The following TXLNG variants were observed in gnomAD, a reference collection of about 807,000 sequenced individuals.
The protein encoded by TXLNG is taxilin gamma, also known as gamma-taxilin.
In TXLNG, 5 loss-of-function variants were observed where a neutral mutation model predicts 38.8. That is an observed-to-expected ratio of 0.13 (90% CI 0.07 to 0.27). TXLNG has a LOEUF of 0.27. Among genes scored for constraint, TXLNG ranks in the 10% least tolerant of loss-of-function variants. The pLI is 1.00. For synonymous variants in TXLNG, 182 were observed against 158.2 expected, an observed-to-expected ratio of 1.15 and a Z score of -1.13; for missense variants, 393 against 398.2, an observed-to-expected ratio of 0.99 and a Z score of 0.11.
At chrX:16,838,666 T>G (rs768249633) in intron 8 of TXLNG, among the ~76,000 whole-genome samples, 1 of 112,201 alleles carries the variant, frequency 8.9e-6, no homozygotes, top group East Asian at 2.8e-4. Flanking sequence ...GAGAATTCCA[T>G]GAGCAGCAGA....
At chrX:16,796,006 G>A (rs1464766506) in intron 1 of TXLNG, among the ~76,000 whole-genome samples, 11 of 109,074 alleles carry the variant, frequency 1.0e-4, no homozygotes, top group African/African-American at 3.3e-4. Context: ...TAGAAACGGG[G>A]TTTCATCATG....
intron 7 of TXLNG, among the ~76,000 whole-genome samples, chrX:16,835,510 T>C (rs1342689621): frequency 9.0e-6 from 1 of 111,669 alleles, no homozygotes; most frequent in Non-Finnish European, 1.9e-5. Flanking sequence ...GAGATGAGAA[T>C]TGATGTGGAG....
chrX:16,804,968 C>CCCA (rs1928268464), intron 1 of TXLNG, among the ~76,000 whole-genome samples: 2 of 877 alleles, frequency 2.3e-3, no homozygotes, highest in African/African-American at 4.0e-3. Context: ...ACCACCACTG[C>CCCA]CCACCCCCCC....
At chrX:16,826,314 TA>T (rs756985605) in intron 3 of TXLNG, among the ~76,000 whole-genome samples, 17 of 112,248 alleles carry the variant, frequency 1.5e-4, no homozygotes, top group Non-Finnish European at 2.6e-4. Context: ...AAGGTGTTTT[TA>T]ATATCTGTAA....
chrX:16,826,155 G>A (rs1365816563), intron 3 of TXLNG, among the ~76,000 whole-genome samples: 1 of 111,787 alleles, frequency 8.9e-6, no homozygotes, highest in African/African-American at 3.3e-5. Context: ...GGTCAGGAAA[G>A]GCAGGAGCTC....
At chrX:16,789,327 C>G (rs1927620716) in intron 1 of TXLNG, among the ~76,000 whole-genome samples, 1 of 110,588 alleles carries the variant, frequency 9.0e-6, no homozygotes, top group Non-Finnish European at 1.9e-5. Context: ...TTGAGGTAAC[C>G]TTTTGCTTCT....
chrX:16,802,079 G>A (rs768666385), intron 1 of TXLNG, among the ~76,000 whole-genome samples: 276 of 103,878 alleles, frequency 2.7e-3, no homozygotes, highest in African/African-American at 9.0e-3. Flanking sequence ...TCAGCCTCCC[G>A]AGTAGCTGGG....
intron 1 of TXLNG, among the ~76,000 whole-genome samples, chrX:16,799,738 T>C (rs1334017753): frequency 2.7e-5 from 3 of 110,491 alleles, no homozygotes; most frequent in Non-Finnish European, 5.7e-5. Context: ...GCCACTGAAC[T>C]CCAGCCTGGG....
intron 1 of TXLNG, 83 bp from the exon 2 acceptor site, chrX:16,818,491 T>A: frequency 9.4e-7 from 1 of 1,060,222 alleles, no homozygotes; most frequent in Non-Finnish European, 1.3e-6. Flanking sequence ...ACTATCAGGC[T>A]ATGATGTTCC....
At chrX:16,841,305 G>C in intron 9 of TXLNG, 123 bp from the exon 10 acceptor site, 1 of 548,449 alleles carries the variant, frequency 1.8e-6, no homozygotes, top group Non-Finnish European at 2.9e-6. Flanking sequence ...AGAATGTTAG[G>C]AGGCTGAAGA....
intron 1 of TXLNG, among the ~76,000 whole-genome samples, 165 bp downstream of exon 1, chrX:16,786,754 T>G (rs1380214528): frequency 0.014 from 245 of 16,986 alleles, no homozygotes; most frequent in Admixed American, 0.018. Flanking sequence ...TGGGGGGGGG[T>G]GGGACCGCGA....
At chrX:16,828,405 TTG>T in intron 4 of TXLNG, 141 bp downstream of exon 4, 1 of 576,395 alleles carries the variant, frequency 1.7e-6, no homozygotes, top group Non-Finnish European at 2.6e-6. Flanking sequence ...GCCTGATGCC[TTG>T]TGTGAGGTCA....
At chrX:16,815,041 T>G (rs1409877246) in intron 1 of TXLNG, among the ~76,000 whole-genome samples, 1 of 112,327 alleles carries the variant, frequency 8.9e-6, no homozygotes, top group East Asian at 2.8e-4. Context: ...TCCCCTTTTT[T>G]CTACGAATTT....
intron 7 of TXLNG, 62 bp downstream of exon 7, chrX:16,834,419 C>T: frequency 9.9e-7 from 1 of 1,014,967 alleles, no homozygotes; most frequent in Non-Finnish European, 1.4e-6. Context: ...TTTGATTCTG[C>T]ATATCTTCAA....
intron 1 of TXLNG, among the ~76,000 whole-genome samples, chrX:16,812,125 T>C (rs1460144554): frequency 9.5e-6 from 1 of 105,354 alleles, no homozygotes; most frequent in Non-Finnish European, 1.9e-5. Flanking sequence ...TACCTCAGCC[T>C]CCTGAGCAGC....
intron 1 of TXLNG, among the ~76,000 whole-genome samples, chrX:16,803,821 G>A (rs1405144714): frequency 4.6e-5 from 5 of 109,568 alleles, no homozygotes; most frequent in Admixed American, 9.6e-5. Flanking sequence ...GCATGGTGGC[G>A]CACGCCTGTA....
Position 16,818,478 on chromosome X carries a change from A to G in TXLNG, c.103-96A>G, listed in dbSNP as rs1928820401. On this transcript the variant is annotated intron_variant, in intron 1 of 9. Transcript: ENST00000380122. The stretch of plus-strand genomic sequence containing the variant: ...AATTTTGCAAACCACTAAGGAAGAA[A>G]AAACTATCAGGCTATGATGTTCCAT... 7 of 1,033,681 alleles carry G rather than the reference A, an allele frequency of 6.8e-6. No individual in the cohort carries two copies. In the South Asian group the frequency reaches 1.6e-4, roughly 24 times the overall value. 85.2% of individuals were successfully genotyped at this position (1,033,681 alleles called of 1,213,427 possible).
At chrX:16,822,256 G>A (rs1929000868) in intron 3 of TXLNG, among the ~76,000 whole-genome samples, 1 of 109,400 alleles carries the variant, frequency 9.1e-6, no homozygotes, top group Non-Finnish European at 1.9e-5. Flanking sequence ...CAGGAGAATG[G>A]CGTGAACCCG....
intron 5 of TXLNG, among the ~76,000 whole-genome samples, 157 bp downstream of exon 5, chrX:16,829,927 A>C (rs1373128712): frequency 9.0e-6 from 1 of 111,239 alleles, no homozygotes; most frequent in Non-Finnish European, 1.9e-5. Context: ...ACCACAAATG[A>C]GATCATCACT....
Sources: gnomAD v4.1 joint callset for allele counts (sites outside exome capture counted in the v4.1 genomes callset) on GRCh38, gnomAD v4.1.1 for gene constraint, MANE v1.5 for transcripts, NCBI Gene and HGNC (gene_info 2026-07-23, HGNC 2026-07-21) for gene names.